The following LHFPL2 variants were observed in gnomAD, a reference collection of about 807,000 sequenced individuals.
The protein encoded by LHFPL2 is LHFPL tetraspan subfamily member 2.
Under a neutral mutation model 17.5 loss-of-function variants are expected in LHFPL2, and 7 were observed. The ratio of observed to expected loss-of-function variants is 0.40; its 90% CI spans 0.23 to 0.75. The LOEUF (loss-of-function observed/expected upper bound fraction) is 0.75, where lower values mean the gene tolerates loss of function less well. Among genes scored for constraint, LHFPL2 ranks in the 30% least tolerant of loss-of-function variants. The pLI is 0.37. For missense variants in LHFPL2, 241 were observed against 294.8 expected (o/e 0.82, Z 1.34); for synonymous variants, 134 against 116.2 (o/e 1.15, Z -0.99).
intron 4 of LHFPL2, among the ~76,000 whole-genome samples, chr5:78,499,310 T>A (rs1754700902): frequency 6.6e-6 from 1 of 152,268 alleles, no homozygotes; most frequent in Non-Finnish European, 1.5e-5. Context: ...CATTTCATGC[T>A]TGTTGAGCAC....
At chr5:78,501,140 C>A (rs1475935390) in intron 4 of LHFPL2, among the ~76,000 whole-genome samples, 3 of 152,050 alleles carry the variant, frequency 2.0e-5, no homozygotes, top group Non-Finnish European at 4.4e-5. Context: ...ACTTTACAGT[C>A]CAGAAAGATT....
chr5:78,511,695 GCAC>G (rs1485199106), intron 3 of LHFPL2, among the ~76,000 whole-genome samples: 1 of 152,188 alleles, frequency 6.6e-6, no homozygotes, highest in Non-Finnish European at 1.5e-5. Context: ...TCTACACCCT[GCAC>G]CAGCTGTCTG....
chr5:78,611,950 T>TA, intron 2 of LHFPL2, among the ~76,000 whole-genome samples: 1 of 152,194 alleles, frequency 6.6e-6, no homozygotes, highest in Non-Finnish European at 1.5e-5. Context: ...CTTCATGAGT[T>TA]AAAAAGCCAC....
At chr5:78,604,659 T>C (rs1469262441) in intron 2 of LHFPL2, among the ~76,000 whole-genome samples, 1 of 152,252 alleles carries the variant, frequency 6.6e-6, no homozygotes, top group Non-Finnish European at 1.5e-5. Flanking sequence ...ATGACAACAC[T>C]ACATGCAAAC....
At chr5:78,642,216 T>C (rs1580886107) in intron 1 of LHFPL2, 2 of 152,278 alleles carry the variant, frequency 1.3e-5, no homozygotes, top group Non-Finnish European at 2.9e-5. Flanking sequence ...TAAGCCTAAT[T>C]ACCTCCCAAA....
chr5:78,604,094 G>A (rs532756309), intron 2 of LHFPL2, among the ~76,000 whole-genome samples: 41 of 152,294 alleles, frequency 2.7e-4, no homozygotes, highest in African/African-American at 9.6e-4. Context: ...TACATGGAAT[G>A]TAAAATTATA....
rs1754222479 is a variant in LHFPL2 at position 78,485,903 on chromosome 5, T to C, written c.*2994A>G. The C allele has an allele frequency of 6.6e-6, 1 of 152,626 alleles. No individual in the cohort carries two copies. Among genetic ancestry groups the C allele is most frequent in the Non-Finnish European group, 1.5e-5 (1 of 68,040 alleles). 9.5% of individuals were successfully genotyped at this position (152,626 alleles called of 1,614,324 possible). A position where few individuals can be genotyped will look rare whatever the true frequency, so the allele number is the denominator to read the frequency against. On this transcript the variant is annotated 3_prime_UTR_variant, in exon 5 of 5. Transcript: ENST00000380345. ...CAGTCTTTTCTTCACATAAGATTTGTGTAGCATTAAAATTATGGGTTACTG... is the reference window on the plus strand; with the variant it reads ...CAGTCTTTTCTTCACATAAGATTTGCGTAGCATTAAAATTATGGGTTACTG...
At chr5:78,491,888 A>G (rs1272212609) in intron 4 of LHFPL2, among the ~76,000 whole-genome samples, 1 of 151,998 alleles carries the variant, frequency 6.6e-6, no homozygotes, top group Non-Finnish European at 1.5e-5. Flanking sequence ...TAATTTGGGG[A>G]GAGAGGAGAT....
chr5:78,572,300 A>G (rs1010975790), intron 2 of LHFPL2, among the ~76,000 whole-genome samples: 55 of 152,156 alleles, frequency 3.6e-4, no homozygotes, highest in African/African-American at 1.2e-3. Flanking sequence ...CTATACAGTA[A>G]AAAGAAAAAA....
chr5:78,495,235 G>A (rs1347374064), intron 4 of LHFPL2, among the ~76,000 whole-genome samples: 1 of 152,178 alleles, frequency 6.6e-6, no homozygotes, highest in Non-Finnish European at 1.5e-5. Flanking sequence ...TTCAGTTTGT[G>A]AAGAAGTGGG....
chr5:78,594,051 T>C (rs76686875), intron 2 of LHFPL2, among the ~76,000 whole-genome samples: 1,781 of 152,332 alleles, frequency 0.012, 33 homozygotes, highest in African/African-American at 0.039. Context: ...CCAGGTACTA[T>C]TTTATGCACT....
chr5:78,638,475 T>C (rs344655), intron 1 of LHFPL2, among the ~76,000 whole-genome samples: 151,669 of 152,364 alleles, frequency 1, 75,492 homozygotes, highest in Middle Eastern at 1. Context: ...GGCAGGACTA[T>C]AGACCTCGTG....
intron 2 of LHFPL2, among the ~76,000 whole-genome samples, chr5:78,602,017 C>G (rs1294907172): frequency 6.6e-6 from 1 of 152,072 alleles, no homozygotes; most frequent in East Asian, 1.9e-4. Context: ...AATACGCAGA[C>G]ACAACTTTAG....
At chr5:78,591,878 T>C (rs1277114421) in intron 2 of LHFPL2, among the ~76,000 whole-genome samples, 2 of 152,176 alleles carry the variant, frequency 1.3e-5, no homozygotes, top group Non-Finnish European at 2.9e-5. Flanking sequence ...GGGCAGCACA[T>C]ATAATCACCA....
At chr5:78,497,083 T>C (rs1285779577) in intron 4 of LHFPL2, among the ~76,000 whole-genome samples, 1 of 152,238 alleles carries the variant, frequency 6.6e-6, no homozygotes, top group East Asian at 1.9e-4. Flanking sequence ...TTCTTCACCT[T>C]GTCCACCTGA....
At chr5:78,529,651 A>C (rs931225519) in intron 3 of LHFPL2, among the ~76,000 whole-genome samples, 14 of 152,176 alleles carry the variant, frequency 9.2e-5, no homozygotes, top group Admixed American at 9.2e-4. Context: ...TCAAAAAAAA[A>C]AAAGAAAATG....
At chr5:78,544,138 T>C (rs1756196490) in intron 3 of LHFPL2, among the ~76,000 whole-genome samples, 2 of 152,170 alleles carry the variant, frequency 1.3e-5, no homozygotes, top group Non-Finnish European at 2.9e-5. Flanking sequence ...TATGGCAGCT[T>C]CCCACGTGGC....
intron 4 of LHFPL2, among the ~76,000 whole-genome samples, chr5:78,496,033 T>C (rs1403048210): frequency 6.6e-6 from 1 of 152,160 alleles, no homozygotes; most frequent in Non-Finnish European, 1.5e-5. Context: ...CGGGAAATGT[T>C]TGTCACCACT....
chr5:78,580,463 G>T (rs1743081150), intron 2 of LHFPL2, among the ~76,000 whole-genome samples: 1 of 150,720 alleles, frequency 6.6e-6, no homozygotes, highest in African/African-American at 2.4e-5. Flanking sequence ...TTCTTCTAGG[G>T]TTTTTACGGT....
Sources: allele counts gnomAD v4.1 joint callset (sites outside exome capture counted in the v4.1 genomes callset), GRCh38; gene constraint gnomAD v4.1.1; transcripts MANE v1.5; gene names NCBI Gene and HGNC (gene_info 2026-07-23, HGNC 2026-07-21).